Variants in BCAR3 observed in about 807,000 individuals in gnomAD.
BCAR3 encodes BCAR3 adaptor protein, NSP family member.
In BCAR3, 37 loss-of-function variants were observed where a neutral mutation model predicts 80.1. The ratio of observed to expected loss-of-function variants is 0.46; its 90% CI spans 0.36 to 0.61. The LOEUF is 0.61. BCAR3 is among the 20% of genes least tolerant of loss of function. BCAR3 has a pLI of 0.00. For synonymous variants in BCAR3, 389 were observed against 418.9 expected, an observed-to-expected ratio of 0.93 and a Z score of 0.87; for missense variants, 978 against 1,068.2, an observed-to-expected ratio of 0.92 and a Z score of 1.18.
At chr1:93,764,040 T>A (rs1652055327) in intron 2 of BCAR3, among the ~76,000 whole-genome samples, 1 of 152,094 alleles carries the variant, frequency 6.6e-6, no homozygotes, top group Non-Finnish European at 1.5e-5. Context: ...ATCCGGAAAG[T>A]GCTGTTGAAA....
chr1:93,567,212 C>G, intron 11 of BCAR3, 67 bp downstream of exon 11: 4 of 1,549,666 alleles, frequency 2.6e-6, no homozygotes, highest in South Asian at 1.1e-5. Context: ...GTCAGCCATG[C>G]TCTTCCATTC....
rs895507606 is a variant in BCAR3, at chr1:93,781,367, T to C, written c.-63+64200A>G. On this transcript the variant is annotated intron_variant, in intron 2 of 13. Coordinates refer to the BCAR3 transcript ENST00000370244. ...TGGATTTGATACACAGGCCGTAATT[T>C]GCTGACCCTCAGTGTGTGCCAGAAC... Among the ~76,000 whole-genome samples, 6 of 152,236 alleles carry C rather than the reference T, an allele frequency of 3.9e-5. No individual in the cohort carries two copies. The South Asian group carries it at 1.0e-3, about 26-fold the overall frequency.
chr1:93,623,419 C>T (rs1675369850), intron 3 of BCAR3, among the ~76,000 whole-genome samples: 1 of 152,044 alleles, frequency 6.6e-6, no homozygotes. Context: ...ACTGAATGGT[C>T]CAAGAGTAAG....
intron 2 of BCAR3, among the ~76,000 whole-genome samples, chr1:93,784,722 C>T (rs1652881418): frequency 6.6e-6 from 1 of 152,160 alleles, no homozygotes; most frequent in South Asian, 2.1e-4. Context: ...GAAACAAAAT[C>T]AAGAGCCTTT....
chr1:93,776,349 C>T (rs908961498), intron 2 of BCAR3, among the ~76,000 whole-genome samples: 1 of 152,172 alleles, frequency 6.6e-6, no homozygotes, highest in African/African-American at 2.4e-5. Context: ...AGCCAACCCA[C>T]GCCCTACTGT....
intron 3 of BCAR3, among the ~76,000 whole-genome samples, chr1:93,689,753 G>T (rs890643430): frequency 6.6e-6 from 1 of 152,188 alleles, no homozygotes; most frequent in Non-Finnish European, 1.5e-5. Flanking sequence ...CCTGGGGTTG[G>T]GGGTGGGTGG....
chr1:93,610,710 C>T (rs1373929671), intron 3 of BCAR3, among the ~76,000 whole-genome samples: 1 of 152,118 alleles, frequency 6.6e-6, no homozygotes, highest in Admixed American at 6.5e-5. Context: ...CTTTGGGAGG[C>T]CGAGGTGGGC....
intron 2 of BCAR3, among the ~76,000 whole-genome samples, chr1:93,801,898 T>C (rs762978142): frequency 5.3e-5 from 8 of 152,146 alleles, no homozygotes; most frequent in Non-Finnish European, 1.0e-4. Context: ...GATGGGTAGA[T>C]CATGAGGTCA....
At position 93,628,676 on chromosome 1, in the gene BCAR3, C is replaced by A. The variant is rs1182409445; in HGVS notation, c.357+13628G>T. Among the ~76,000 whole-genome samples, 5 of 152,190 alleles carry A rather than the reference C, an allele frequency of 3.3e-5. No individual in the cohort carries two copies. The South Asian group carries it at 8.3e-4, about 25-fold the overall frequency. ...ATCTAAAATTTAATGTCCCCTTACT[C>A]CAACTTTCATAGCTGCTTTCCCTGA... On this transcript the variant is annotated intron_variant, in intron 3 of 11. Coordinates refer to ENST00000260502, the MANE Select transcript of BCAR3 (RefSeq NM_003567.4).
chr1:93,687,868 A>G (rs1292351956), intron 3 of BCAR3, among the ~76,000 whole-genome samples: 2 of 152,242 alleles, frequency 1.3e-5, no homozygotes, highest in Non-Finnish European at 2.9e-5. Flanking sequence ...CCAAGCCCTA[A>G]CAGTAACAGG....
chr1:93,613,714 T>C, intron 3 of BCAR3: 2 of 1,095,334 alleles, frequency 1.8e-6, no homozygotes, highest in East Asian at 2.6e-5. Context: ...TGAAGACCCA[T>C]CAGTCAAAGA....
intron 2 of BCAR3, chr1:93,723,543 G>C (rs1288388693): frequency 6.6e-6 from 1 of 152,274 alleles, no homozygotes; most frequent in Non-Finnish European, 1.5e-5. Flanking sequence ...GAGTCTCCTG[G>C]GAAGAGCACA....
chr1:93,787,455 G>A (rs927094046), intron 2 of BCAR3, among the ~76,000 whole-genome samples: 4 of 152,102 alleles, frequency 2.6e-5, no homozygotes, highest in South Asian at 2.1e-4. Flanking sequence ...TTAATGCTAC[G>A]AACTTTCCTC....
chr1:93,619,410 CCTTGGAGT>C (rs1349803935), intron 3 of BCAR3, among the ~76,000 whole-genome samples: 4 of 152,148 alleles, frequency 2.6e-5, no homozygotes, highest in African/African-American at 4.8e-5. Context: ...TCCATATACC[CCTTGGAGT>C]CTTATCCATC....
Position 93,751,480 on chromosome 1 carries a change from T to A in BCAR3, c.-62-45338A>T, listed in dbSNP as rs559378831. Among the ~76,000 whole-genome samples, 14 of 152,300 alleles carry A rather than the reference T, an allele frequency of 9.2e-5. No homozygotes were observed. The East Asian group carries it at 2.5e-3, about 27-fold the overall frequency. ...TATACCTGGTACCAAGCTGGCCTGG[T>A]ATCACCAGAGAGGTTTCCAGACTAT... On this transcript the variant is annotated intron_variant, in intron 2 of 13. Coordinates refer to the BCAR3 transcript ENST00000370244.
chr1:93,565,169 G>A (rs1302506884), intron 11 of BCAR3, among the ~76,000 whole-genome samples: 2 of 151,712 alleles, frequency 1.3e-5, no homozygotes, highest in African/African-American at 4.8e-5. Flanking sequence ...TAAGAATCAA[G>A]GAGAATCGCT....
intron 2 of BCAR3, among the ~76,000 whole-genome samples, chr1:93,710,812 A>T (rs1299681440): frequency 6.6e-6 from 1 of 152,176 alleles, no homozygotes; most frequent in Non-Finnish European, 1.5e-5. Context: ...TAAAACAAAC[A>T]TTTGTTATCT....
chr1:93,817,909 C>A (rs760034632), intron 2 of BCAR3, among the ~76,000 whole-genome samples: 11 of 152,214 alleles, frequency 7.2e-5, no homozygotes, highest in Admixed American at 1.3e-4. Flanking sequence ...TAGACCTCCT[C>A]AGCCCTCTTG....
chr1:93,828,764 A>G (rs1221438266), intron 2 of BCAR3, among the ~76,000 whole-genome samples: 1 of 152,046 alleles, frequency 6.6e-6, no homozygotes, highest in African/African-American at 2.4e-5. Context: ...GCACGATCTC[A>G]GCTCACTGCA....
Sources: gnomAD v4.1 joint callset for allele counts (sites outside exome capture counted in the v4.1 genomes callset) on GRCh38, gnomAD v4.1.1 for gene constraint, MANE v1.5 for transcripts, NCBI Gene and HGNC (gene_info 2026-07-23, HGNC 2026-07-21) for gene names.